RYR2: variants seen among roughly 807,000 people sequenced by gnomAD.
RYR2 encodes ryanodine receptor 2, also known as cardiac muscle ryanodine receptor-calcium release channel.
In RYR2, 227 loss-of-function variants were observed where a neutral mutation model predicts 601.1. That is an observed-to-expected ratio of 0.38 (90% CI 0.34 to 0.42). RYR2 has a LOEUF of 0.42. Among genes scored for constraint, RYR2 ranks in the 10% least tolerant of loss-of-function variants. The probability of loss-of-function intolerance (pLI) is 1.00; values close to 1 mark genes in which losing one functional copy is unlikely to be tolerated. For synonymous variants in RYR2, 2,223 were observed against 2,175.1 expected (o/e 1.02, Z -0.61); for missense variants, 4,646 against 6,156.5 (o/e 0.75, Z 8.21).
intron 62 of RYR2, 79 bp downstream of exon 62, chr1:237,680,656 G>A (rs1685794814): frequency 8.9e-7 from 1 of 1,118,082 alleles, no homozygotes; most frequent in African/African-American, 1.6e-5. Flanking sequence ...GGACCTTGAA[G>A]TGGGGCTGTA....
chr1:237,609,599 A>G (rs1045116104), intron 35 of RYR2, among the ~76,000 whole-genome samples: 1 of 151,926 alleles, frequency 6.6e-6, no homozygotes, highest in African/African-American at 2.4e-5. Context: ...TCCTGACCTC[A>G]AGTGATCCAC....
chr1:237,101,502 A>C (rs1380999790), intron 1 of RYR2, among the ~76,000 whole-genome samples: 1 of 152,074 alleles, frequency 6.6e-6, no homozygotes, highest in Non-Finnish European at 1.5e-5. Context: ...AGCAGTTACT[A>C]GGTTCTATAG....
At chr1:237,545,512 A>G (rs1171872193) in intron 25 of RYR2, among the ~76,000 whole-genome samples, 1 of 152,148 alleles carries the variant, frequency 6.6e-6, no homozygotes, top group Non-Finnish European at 1.5e-5. Context: ...TGGCTGCTAG[A>G]TGGGATCAAG....
At chr1:237,598,901 CAAAG>C (rs1291703985) in intron 34 of RYR2, among the ~76,000 whole-genome samples, 4 of 151,850 alleles carry the variant, frequency 2.6e-5, no homozygotes, top group Admixed American at 6.6e-5. Context: ...TTTAGCTAGA[CAAAG>C]AAAGAGATGA....
intron 2 of RYR2, among the ~76,000 whole-genome samples, chr1:237,277,376 G>A (rs761281818): frequency 6.6e-6 from 1 of 152,172 alleles, no homozygotes; most frequent in Non-Finnish European, 1.5e-5. Context: ...TGCAATACAT[G>A]CCTGTGTTGG....
chr1:237,243,674 G>A (rs1048309640), intron 1 of RYR2, among the ~76,000 whole-genome samples: 1 of 152,148 alleles, frequency 6.6e-6, no homozygotes, highest in Non-Finnish European at 1.5e-5. Context: ...AGTCAGAAAG[G>A]TTAGGCAAGA....
At chr1:237,647,812 C>T (rs150751025) in intron 48 of RYR2, among the ~76,000 whole-genome samples, 263 of 152,274 alleles carry the variant, frequency 1.7e-3, no homozygotes, top group African/African-American at 5.9e-3. Context: ...CTCATATCAG[C>T]GGTCCCCAAT....
At chr1:237,748,373 T>C (rs992963290) in intron 80 of RYR2, among the ~76,000 whole-genome samples, 1 of 152,048 alleles carries the variant, frequency 6.6e-6, no homozygotes, top group Admixed American at 6.5e-5. Flanking sequence ...TCACAGAGTG[T>C]TAATTTCATC....
intron 3 of RYR2, among the ~76,000 whole-genome samples, chr1:237,355,126 C>T (rs933656698): frequency 2.0e-5 from 3 of 152,076 alleles, no homozygotes; most frequent in African/African-American, 7.2e-5. Flanking sequence ...AAAAAAATTA[C>T]AAATAAACTT....
intron 1 of RYR2, among the ~76,000 whole-genome samples, chr1:237,128,219 C>T (rs1025569569): frequency 6.6e-5 from 10 of 152,186 alleles, no homozygotes; most frequent in Non-Finnish European, 1.3e-4. Flanking sequence ...CCTGTCTCCA[C>T]CAAAACCAGT....
Position 237,651,405 on chromosome 1 carries a change from C to T in RYR2, c.7734-6C>T, listed in dbSNP as rs1269527084. ...GGCATTATGAACATTAGCTTTGTTC[C>T]AACAGACAACTGAGACCTTCTATGA... is the stretch of plus-strand genomic sequence containing the variant. On this transcript the variant is annotated splice_polypyrimidine_tract_variant and splice_region_variant and intron_variant, in intron 50 of 104. Coordinates refer to ENST00000366574, the MANE Select transcript of RYR2 (RefSeq NM_001035.3). The T allele has an allele frequency of 1.3e-6, 2 of 1,580,830 alleles. No individual in the cohort carries two copies. The highest frequency in any genetic ancestry group is 1.7e-6 in the Non-Finnish European group (2 of 1,159,276).
chr1:237,644,839 C>A (rs556401505), intron 48 of RYR2, among the ~76,000 whole-genome samples: 3 of 152,142 alleles, frequency 2.0e-5, no homozygotes, highest in East Asian at 3.9e-4. Context: ...CGAGACCAGC[C>A]TGGACAACAT....
At position 237,640,907 on chromosome 1, in the gene RYR2, G is replaced by A; in HGVS notation, c.7126G>A (p.Glu2376Lys). Residue 2376 changes from glutamate to lysine, a missense_variant, in exon 47 of 105, where the codon GAG (glutamate) becomes AAG (lysine). Glu to Lys is a moderately conservative substitution (Grantham distance 56). This residue lies in a region of RYR2 where 1,497 missense variants were observed against 1,842.6 expected (regional missense o/e 0.81). Coordinates refer to ENST00000366574, the MANE Select transcript of RYR2 (RefSeq NM_001035.3). The part of the protein sequence containing the change: ...SGSSKTLDTE[E>K]EEDDTIHMGN... ...AAACATTCATGAAAGTGACACAGAGGAGGAGGAAGATGACACTATCCACAT... is the reference window on the plus strand; with the variant it reads ...AAACATTCATGAAAGTGACACAGAGAAGGAGGAAGATGACACTATCCACAT... 6.2e-7 allele frequency: 1 copy of A among 1,612,922 alleles called. No homozygotes were observed. Among genetic ancestry groups the A allele is most frequent in the Non-Finnish European group, 8.5e-7 (1 of 1,179,428 alleles).
chr1:237,043,345 T>G (rs1289158134), intron 1 of RYR2, among the ~76,000 whole-genome samples: 2 of 152,080 alleles, frequency 1.3e-5, no homozygotes, highest in Non-Finnish European at 2.9e-5. Context: ...GAACGTGTCG[T>G]TCTCTAAATG....
chr1:237,467,612 A>G (rs567603962), intron 16 of RYR2, among the ~76,000 whole-genome samples: 1 of 152,288 alleles, frequency 6.6e-6, no homozygotes, highest in East Asian at 1.9e-4. Context: ...CAGAGGCGCT[A>G]TACACAAAAA....
chr1:237,591,623 T>A (rs1193846131), intron 31 of RYR2, 116 bp from the exon 32 acceptor site: 2 of 760,198 alleles, frequency 2.6e-6, no homozygotes, highest in Non-Finnish European at 4.5e-6. Flanking sequence ...TTCCCAGATG[T>A]CCCCCAGGGA....
intron 1 of RYR2, among the ~76,000 whole-genome samples, chr1:237,129,246 C>A (rs1671883734): frequency 6.6e-6 from 1 of 152,122 alleles, no homozygotes; most frequent in Admixed American, 6.5e-5. Context: ...GAGTTAGTTC[C>A]TTGAAAATAT....
At chr1:237,444,853 G>C (rs1708197283) in intron 13 of RYR2, among the ~76,000 whole-genome samples, 1 of 152,148 alleles carries the variant, frequency 6.6e-6, no homozygotes, top group South Asian at 2.1e-4. Flanking sequence ...TCATTTAGAT[G>C]ATTTATAAGC....
chr1:237,436,208 G>A (rs954075043), intron 12 of RYR2, among the ~76,000 whole-genome samples: 16 of 152,132 alleles, frequency 1.1e-4, no homozygotes, highest in South Asian at 4.1e-4. Context: ...GCCATCTAAG[G>A]TAACCTCATT....
Sources: allele counts gnomAD v4.1 joint callset (sites outside exome capture counted in the v4.1 genomes callset), GRCh38; gene constraint gnomAD v4.1.1; regional missense constraint gnomAD v4.1.1; transcripts MANE v1.5; gene names NCBI Gene and HGNC (gene_info 2026-07-23, HGNC 2026-07-21).